The following RBM19 variants were observed in gnomAD, a reference collection of about 807,000 sequenced individuals.
RBM19 encodes the protein probable RNA-binding protein 19.
RBM19 carries 94 observed loss-of-function variants against 116.8 expected under a neutral mutation model. That is an observed-to-expected ratio of 0.80 (90% CI 0.68 to 0.95). The LOEUF is 0.95. RBM19 is among the 40% of genes least tolerant of loss of function. The pLI is 0.00. For synonymous variants in RBM19, 475 were observed against 494.1 expected (o/e 0.96, Z 0.51); for missense variants, 1,161 against 1,220.7 (o/e 0.95, Z 0.73).
intron 20 of RBM19, among the ~76,000 whole-genome samples, chr12:113,915,787 G>A (rs1882735177): frequency 6.6e-6 from 1 of 152,200 alleles, no homozygotes; most frequent in South Asian, 2.1e-4. Flanking sequence ...TTGATTGTTT[G>A]AAGATTTAAT....
intron 21 of RBM19, among the ~76,000 whole-genome samples, chr12:113,878,125 C>T (rs115389900): frequency 0.028 from 4,271 of 152,158 alleles, 197 homozygotes; most frequent in African/African-American, 0.098. Context: ...TACTCTCTGG[C>T]CCTTTACAGA....
intron 21 of RBM19, among the ~76,000 whole-genome samples, chr12:113,872,570 G>T (rs1879325577): frequency 2.4e-5 from 2 of 84,420 alleles, no homozygotes; most frequent in Non-Finnish European, 6.0e-5. Context: ...GGAGGGAGGT[G>T]GGGGGGGGTC....
intron 23 of RBM19, among the ~76,000 whole-genome samples, chr12:113,837,877 T>C (rs1007419239): frequency 5.9e-5 from 9 of 152,188 alleles, no homozygotes; most frequent in Non-Finnish European, 1.2e-4. Flanking sequence ...AAAAGATGTA[T>C]AACAAACTCA....
chr12:113,822,882 G>A lies in RBM19; in HGVS notation c.*342C>T. ...CCTCGTCCCCTTACTCTCCTGGGGT[G>A]GGGACAGGGGGAGCAGGGGTTCTAG... On this transcript the variant is annotated 3_prime_UTR_variant, in exon 24 of 24. Coordinates refer to ENST00000261741, the MANE Select transcript of RBM19 (RefSeq NM_016196.4). The A allele has an allele frequency of 4.8e-6, 1 of 207,096 alleles. No homozygotes were observed. The highest frequency in any genetic ancestry group is 1.0e-4 in the South Asian group (1 of 10,004). 12.8% of individuals were successfully genotyped at this position (207,096 alleles called of 1,614,324 possible). A position where few individuals can be genotyped will look rare whatever the true frequency, so the allele number is the denominator to read the frequency against.
At position 113,904,562 on chromosome 12, in the gene RBM19, C is replaced by T. The variant is rs143595876; in HGVS notation, c.2558+10407G>A. Among the ~76,000 whole-genome samples, 8 of 152,270 alleles carry T rather than the reference C, an allele frequency of 5.3e-5. No homozygotes were observed. In the South Asian group the frequency reaches 1.0e-3, roughly 20 times the overall value. ...GTGCTGTGCAGACATCGGGAGGTATCGTTAATGGTGCCTTGCTCACATAGG... is the reference window on the plus strand; with the variant it reads ...GTGCTGTGCAGACATCGGGAGGTATTGTTAATGGTGCCTTGCTCACATAGG... On this transcript the variant is annotated intron_variant, in intron 21 of 23. Coordinates refer to ENST00000261741, the MANE Select transcript of RBM19 (RefSeq NM_016196.4).
chr12:113,938,215 T>C (rs751902313), intron 15 of RBM19, among the ~76,000 whole-genome samples: 34 of 152,082 alleles, frequency 2.2e-4, no homozygotes, highest in Non-Finnish European at 4.4e-4. Context: ...GAAGAAAGGA[T>C]GGTGTCACAT....
At chr12:113,907,204 A>C (rs7968281) in intron 21 of RBM19, among the ~76,000 whole-genome samples, 30,457 of 151,826 alleles carry the variant, frequency 0.2, 3,364 homozygotes, top group African/African-American at 0.28. Context: ...ATCCCTCCTA[A>C]CTCTTGCTTT....
At chr12:113,852,592 C>T (rs1207757471) in intron 22 of RBM19, among the ~76,000 whole-genome samples, 2 of 152,236 alleles carry the variant, frequency 1.3e-5, no homozygotes, top group Middle Eastern at 3.2e-3. Context: ...TTTCAGGCTG[C>T]AGCACCTCTG....
At chr12:113,939,848 G>T in intron 15 of RBM19, 112 bp downstream of exon 15, 2 of 1,173,614 alleles carry the variant, frequency 1.7e-6, no homozygotes, top group Non-Finnish European at 2.4e-6. Flanking sequence ...GGCGGTTTAG[G>T]GTGAGCTCCC....
At chr12:113,938,603 A>C (rs967343761) in intron 15 of RBM19, among the ~76,000 whole-genome samples, 1 of 152,194 alleles carries the variant, frequency 6.6e-6, no homozygotes, top group African/African-American at 2.4e-5. Context: ...AAACCTGTGA[A>C]CGCGCCCTTA....
chr12:113,834,475 C>T (rs548108191), intron 23 of RBM19, among the ~76,000 whole-genome samples: 1 of 152,176 alleles, frequency 6.6e-6, no homozygotes, highest in Non-Finnish European at 1.5e-5. Flanking sequence ...GGCTGCAAGG[C>T]CTTTCTTTGA....
At chr12:113,879,526 T>A (rs58137695) in intron 21 of RBM19, among the ~76,000 whole-genome samples, 9,271 of 150,472 alleles carry the variant, frequency 0.062, 566 homozygotes, top group East Asian at 0.32. Context: ...CAGGGCTGGA[T>A]GACTTGCCCA....
intron 16 of RBM19, among the ~76,000 whole-genome samples, chr12:113,936,552 G>T (rs544508159): frequency 1.3e-5 from 2 of 152,236 alleles, no homozygotes; most frequent in Non-Finnish European, 2.9e-5. Context: ...CATTAGCCAG[G>T]GGGTGGGGGT....
chr12:113,901,438 G>C (rs1881680052), intron 21 of RBM19, among the ~76,000 whole-genome samples: 1 of 152,102 alleles, frequency 6.6e-6, no homozygotes. Flanking sequence ...CATACTTTGG[G>C]GAGGAAGTTT....
At chr12:113,925,200 A>G (rs983763032) in intron 17 of RBM19, among the ~76,000 whole-genome samples, 16 of 152,156 alleles carry the variant, frequency 1.1e-4, no homozygotes, top group African/African-American at 3.9e-4. Flanking sequence ...ACCCACCCAG[A>G]GCAAAATCCA....
Position 113,848,079 on chromosome 12 carries a change from C to T in RBM19, c.2665-3291G>A, listed in dbSNP as rs547163272. Among the ~76,000 whole-genome samples, 29 of 152,244 alleles carry T rather than the reference C, an allele frequency of 1.9e-4. No homozygotes were observed. In the South Asian group the frequency reaches 4.6e-3, roughly 24 times the overall value. On this transcript the variant is annotated intron_variant, in intron 22 of 23. Transcript: ENST00000261741. ...GCAAGCTGCTGAACCTCTCTGAGCC[C>T]GAGCTTCCTCATATGTAAAAGGAGG... is the stretch of plus-strand genomic sequence containing the variant.
intron 3 of RBM19, 52 bp from the exon 4 acceptor site, chr12:113,959,955 G>C (rs1293733989): frequency 6.2e-7 from 1 of 1,613,690 alleles, no homozygotes; most frequent in Non-Finnish European, 8.5e-7. Context: ...AGAGAGCTGG[G>C]AAACAGAACT....
At chr12:113,887,875 C>A (rs1435675178) in intron 21 of RBM19, among the ~76,000 whole-genome samples, 1 of 151,960 alleles carries the variant, frequency 6.6e-6, no homozygotes, top group Non-Finnish European at 1.5e-5. Context: ...AGTGCACCAA[C>A]ATGCTCAGCT....
At chr12:113,832,476 C>T (rs1023575715) in intron 23 of RBM19, among the ~76,000 whole-genome samples, 23 of 152,198 alleles carry the variant, frequency 1.5e-4, no homozygotes, top group African/African-American at 5.1e-4. Context: ...AGGCATGAGC[C>T]GCCACTTTTG....
Sources: allele counts gnomAD v4.1 joint callset (sites outside exome capture counted in the v4.1 genomes callset), GRCh38; gene constraint gnomAD v4.1.1; transcripts MANE v1.5; gene names NCBI Gene and HGNC (gene_info 2026-07-23, HGNC 2026-07-21).